Variants in PUS7 observed in about 807,000 individuals in gnomAD.
PUS7 encodes the protein pseudouridylate synthase 7 homolog.
Under a neutral mutation model 79.8 loss-of-function variants are expected in PUS7, and 48 were observed. The ratio of observed to expected loss-of-function variants is 0.60; its 90% CI spans 0.48 to 0.76. The LOEUF (loss-of-function observed/expected upper bound fraction) is 0.76. PUS7 is among the 30% of genes least tolerant of loss of function. The pLI, the probability that PUS7 is intolerant of heterozygous loss-of-function variation, is 0.00. For missense variants in PUS7, 729 were observed against 797.6 expected, an observed-to-expected ratio of 0.91 and a Z score of 1.04; for synonymous variants, 286 against 272.2, an observed-to-expected ratio of 1.05 and a Z score of -0.50.
intron 4 of PUS7, among the ~76,000 whole-genome samples, chr7:105,505,462 C>A (rs956362783): frequency 7.9e-5 from 12 of 152,212 alleles, no homozygotes; most frequent in African/African-American, 2.9e-4. Flanking sequence ...CAAGAAGCTG[C>A]TGAAGCCAGA....
intron 1 of PUS7, among the ~76,000 whole-genome samples, chr7:105,514,147 C>T (rs1450269391): frequency 5.1e-5 from 7 of 136,948 alleles, no homozygotes; most frequent in Non-Finnish European, 9.5e-5. Context: ...AGGAGAATGG[C>T]GTGAACCCAG....
chr7:105,493,451 AC>A (rs1824878224), intron 6 of PUS7, among the ~76,000 whole-genome samples: 1 of 152,206 alleles, frequency 6.6e-6, no homozygotes, highest in African/African-American at 2.4e-5. Flanking sequence ...GCATAGTAGC[AC>A]AGACTCTCTC....
chr7:105,506,739 T>C (rs1825479878), intron 2 of PUS7, among the ~76,000 whole-genome samples: 1 of 152,052 alleles, frequency 6.6e-6, no homozygotes. Context: ...GGTTTCTTAA[T>C]GAATGCTGAG....
At position 105,495,227 on chromosome 7, in the gene PUS7, AT is replaced by A; in HGVS notation, c.756del (p.Lys252AsnfsTer29). ...ACGAAGTGGCAGTAACTTCCCCTAG[AT>A]TTTGGCCAAGAATGTTTTCTTGGAT... The part of the protein sequence containing the change: ...LANPRKHSWP[K>X]SRGSYCHFVL... On this transcript the variant is annotated frameshift_variant, in exon 6 of 16. Coordinates refer to ENST00000469408, the MANE Select transcript of PUS7 (RefSeq NM_019042.5). LOFTEE classifies it high-confidence loss of function. 1 of 1,611,512 alleles carries A rather than the reference AT, an allele frequency of 6.2e-7. No homozygotes were observed. Among genetic ancestry groups the A allele is most frequent in the Non-Finnish European group, 8.5e-7 (1 of 1,178,400 alleles).
chr7:105,520,519 A>AAAAT (rs139684453), intron 1 of PUS7, among the ~76,000 whole-genome samples: 11,320 of 140,478 alleles, frequency 0.081, 587 homozygotes, highest in African/African-American at 0.13. Context: ...AGACTGTCTC[A>AAAAT]AAATAAATAA....
chr7:105,521,240 G>T (rs1352674142), intron 1 of PUS7, among the ~76,000 whole-genome samples: 2 of 113,272 alleles, frequency 1.8e-5, no homozygotes, highest in African/African-American at 5.3e-5. Context: ...GGATGGGGGG[G>T]AGGGAACCTT....
intron 4 of PUS7, among the ~76,000 whole-genome samples, chr7:105,503,983 T>G (rs1261898466): frequency 6.6e-6 from 1 of 152,006 alleles, no homozygotes; most frequent in South Asian, 2.1e-4. Context: ...ACTACTAAAC[T>G]GATTTCATGA....
intron 1 of PUS7, among the ~76,000 whole-genome samples, chr7:105,521,517 G>C (rs1282916179): frequency 6.6e-6 from 1 of 152,178 alleles, no homozygotes; most frequent in Non-Finnish European, 1.5e-5. Context: ...TGCATACAAA[G>C]CAAGCAGTCC....
At chr7:105,520,681 C>T (rs1476692789) in intron 1 of PUS7, among the ~76,000 whole-genome samples, 2 of 152,054 alleles carry the variant, frequency 1.3e-5, no homozygotes, top group Non-Finnish European at 2.9e-5. Context: ...AAGATCGTGC[C>T]ATTGCACTCC....
At chr7:105,476,698 T>C (rs559142792) in intron 9 of PUS7, among the ~76,000 whole-genome samples, 5 of 152,330 alleles carry the variant, frequency 3.3e-5, no homozygotes, top group East Asian at 1.9e-4. Context: ...TTCTCCACAA[T>C]GGCTATACTG....
At chr7:105,481,330 TGTG>T (rs984771012) in intron 8 of PUS7, among the ~76,000 whole-genome samples, 153 bp from the exon 9 acceptor site, 12 of 152,340 alleles carry the variant, frequency 7.9e-5, no homozygotes, top group African/African-American at 2.6e-4. Flanking sequence ...TTCTTTAAGT[TGTG>T]GTAAGATATT....
In PUS7 at chr7:105,505,974, T is replaced by G; in HGVS notation, c.566A>C (p.Glu189Ala). Residue 189 changes from glutamate to alanine, a missense_variant, in exon 4 of 16, where the codon GAA becomes GCA. Transcript: ENST00000469408. ...AGTTACCTCAATGGCAACACTGGTT[T>G]CCTTATTTTTGAACAGCTGGAGCTC... ...LEELQLFKNK[E>A]TSVAIEVIED... The G allele has an allele frequency of 6.2e-7, 1 of 1,611,530 alleles. No homozygotes were observed. Among genetic ancestry groups the G allele is most frequent in the Non-Finnish European group, 8.5e-7 (1 of 1,179,252 alleles).
At chr7:105,478,731 T>C (rs145308197) in intron 9 of PUS7, among the ~76,000 whole-genome samples, 1 of 152,346 alleles carries the variant, frequency 6.6e-6, no homozygotes, top group Non-Finnish European at 1.5e-5. Flanking sequence ...CAATATAAAC[T>C]GAAAGTCTGT....
intron 13 of PUS7, among the ~76,000 whole-genome samples, chr7:105,463,994 G>A (rs1823538447): frequency 6.6e-6 from 1 of 152,042 alleles, no homozygotes; most frequent in Non-Finnish European, 1.5e-5. Flanking sequence ...AGGACAACAG[G>A]GATCCCTCAA....
At chr7:105,470,571 C>T in intron 11 of PUS7, 117 bp downstream of exon 11, 2 of 1,252,570 alleles carry the variant, frequency 1.6e-6, no homozygotes, top group Middle Eastern at 2.7e-4. Flanking sequence ...TCAGAGATCA[C>T]CAAAGGATCC....
chr7:105,505,873 A>AT, intron 4 of PUS7, 82 bp downstream of exon 4: 1 of 1,123,488 alleles, frequency 8.9e-7, no homozygotes, highest in Non-Finnish European at 1.3e-6. Flanking sequence ...AACCATTGTA[A>AT]TTTTTTCCAT....
chr7:105,501,172 G>T (rs578109156), intron 5 of PUS7, among the ~76,000 whole-genome samples: 1 of 152,066 alleles, frequency 6.6e-6, no homozygotes, highest in African/African-American at 2.4e-5. Flanking sequence ...AGCAATTAAG[G>T]CTTCATCCAT....
At chr7:105,471,023 G>C (rs981186575) in intron 10 of PUS7, among the ~76,000 whole-genome samples, 175 bp from the exon 11 acceptor site, 1 of 152,156 alleles carries the variant, frequency 6.6e-6, no homozygotes, top group Non-Finnish European at 1.5e-5. Context: ...AAAGTTTACA[G>C]AACTATTTGG....
At chr7:105,502,206 C>T (rs1044401402) in intron 5 of PUS7, among the ~76,000 whole-genome samples, 1 of 152,178 alleles carries the variant, frequency 6.6e-6, no homozygotes, top group Non-Finnish European at 1.5e-5. Context: ...TCTTTACTCA[C>T]ATAAAAGACC....
Sources: gnomAD v4.1 joint callset for allele counts (sites outside exome capture counted in the v4.1 genomes callset) on GRCh38, gnomAD v4.1.1 for gene constraint, MANE v1.5 for transcripts, NCBI Gene and HGNC (gene_info 2026-07-23, HGNC 2026-07-21) for gene names.